FKBP15: variants seen among roughly 807,000 people sequenced by gnomAD.
The protein encoded by FKBP15 is FKBP prolyl isomerase family member 15.
FKBP15 carries 106 observed loss-of-function variants against 158.1 expected under a neutral mutation model. That is an observed-to-expected ratio of 0.67 (90% CI 0.57 to 0.79). The LOEUF is 0.79. Among genes scored for constraint, FKBP15 ranks in the 30% least tolerant of loss-of-function variants. The pLI, the probability that FKBP15 is intolerant of heterozygous loss-of-function variation, is 0.00. For synonymous variants in FKBP15, 547 were observed against 548.6 expected, an observed-to-expected ratio of 1.00 and a Z score of 0.04; for missense variants, 1,287 against 1,479.1, an observed-to-expected ratio of 0.87 and a Z score of 2.13.
intron 2 of FKBP15, among the ~76,000 whole-genome samples, chr9:113,209,097 A>G (rs1830952795): frequency 6.6e-6 from 1 of 151,924 alleles, no homozygotes; most frequent in African/African-American, 2.4e-5. Flanking sequence ...AGAAAACTGT[A>G]TAGGCAATCT....
chr9:113,172,362 C>G (rs901885069), intron 23 of FKBP15, among the ~76,000 whole-genome samples: 6 of 152,098 alleles, frequency 3.9e-5, no homozygotes, highest in African/African-American at 7.3e-5. Flanking sequence ...AGGTATATAA[C>G]CAGTAATGGG....
chr9:113,164,643 G>T lies in FKBP15; in HGVS notation c.*1435C>A, dbSNP rs1199477656. On this transcript the variant is annotated 3_prime_UTR_variant, in exon 28 of 28. Transcript: ENST00000238256. ...GAAGCCTGTTTCTAAAAGCATCACC[G>T]CCCCTTCCCCCAACCAGTGACAGTC... The T allele has an allele frequency of 6.6e-6, 1 of 152,268 alleles. No individual in the cohort carries two copies. The highest frequency in any genetic ancestry group is 1.9e-4 in the East Asian group (1 of 5,186). The allele number at this position is 152,268 out of a possible 1,614,324, so 9.4% of individuals were successfully genotyped here.
chr9:113,187,930 T>C (rs756118069), intron 13 of FKBP15, 31 bp from the exon 14 acceptor site: 2 of 1,535,924 alleles, frequency 1.3e-6, no homozygotes, highest in Admixed American at 3.4e-5. Flanking sequence ...TTCACTGTTA[T>C]CCACCCTTGC....
chr9:113,192,014 A>T (rs1232527387), intron 11 of FKBP15, among the ~76,000 whole-genome samples: 1 of 147,994 alleles, frequency 6.8e-6, no homozygotes, highest in Non-Finnish European at 1.5e-5. Flanking sequence ...TTTTGCCTCC[A>T]TTAAAAAAAA....
At chr9:113,181,894 C>T (rs1830404377) in intron 19 of FKBP15, among the ~76,000 whole-genome samples, 1 of 152,094 alleles carries the variant, frequency 6.6e-6, no homozygotes, top group African/African-American at 2.4e-5. Context: ...TTGACCTAGG[C>T]ATTAGGAGTC....
intron 18 of FKBP15, among the ~76,000 whole-genome samples, chr9:113,183,483 C>A (rs542034284): frequency 3.9e-4 from 59 of 152,154 alleles, no homozygotes; most frequent in Admixed American, 2.3e-3. Context: ...GAAACTAGGG[C>A]CAGCAGGAAT....
chr9:113,174,322 G>T, intron 22 of FKBP15, 106 bp downstream of exon 22: 3 of 1,219,342 alleles, frequency 2.5e-6, no homozygotes, highest in Non-Finnish European at 3.4e-6. Flanking sequence ...GAGAGTATCA[G>T]CTATGAGAAA....
In FKBP15 at chr9:113,170,618, G is replaced by A. The variant is rs1041119850; in HGVS notation, c.2670C>T (p.Ile890=). ...ASDPSEKVKK[I]MNQVFQSLRR... is the part of the protein sequence containing the mutation. ...GTAAGGACTGGAACACCTGGTTCAT[G>A]ATCTTCTTGACCTGTGTGAACATCA... Residue 890 remains isoleucine (I), a synonymous_variant, in exon 25 of 28, where the codon ATC becomes ATT. Coordinates refer to ENST00000238256, the MANE Select transcript of FKBP15 (RefSeq NM_015258.2). The A allele has an allele frequency of 1.9e-6, 3 of 1,612,512 alleles. No homozygotes were observed. The highest frequency in any genetic ancestry group is 2.5e-6 in the Non-Finnish European group (3 of 1,178,546).
chr9:113,168,987 A>G (rs1047547470), intron 26 of FKBP15, among the ~76,000 whole-genome samples: 49 of 50,120 alleles, frequency 9.8e-4, no homozygotes, highest in Middle Eastern at 0.011. Flanking sequence ...CCACACTACC[A>G]CAGTGCCCGC....
chr9:113,174,548 C>T lies in FKBP15; in HGVS notation c.2259G>A (p.Glu753=), dbSNP rs1830269766. ...CTATCTCCTCCTCGGCCTGAGAACG[C>T]TCTTGAGCTGACTTCTTTTTCCTTT... The part of the protein sequence containing the change: ...LSERKKKSAQ[E]RSQAEEEIDE... The change falls in exon 22 of 28, where the codon GAG becomes GAA. Residue 753 remains glutamate, a synonymous_variant. Transcript: ENST00000238256. 1 of 1,613,988 alleles carries T rather than the reference C, an allele frequency of 6.2e-7. No individual in the cohort carries two copies. Among genetic ancestry groups the T allele is most frequent in the East Asian group, 2.2e-5 (1 of 44,884 alleles).
At chr9:113,186,806 G>A (rs1830493302) in intron 14 of FKBP15, 2 of 158,566 alleles carry the variant, frequency 1.3e-5, no homozygotes, top group South Asian at 1.8e-4. Context: ...GCTAATCCAC[G>A]AGACCAAGAG....
intron 21 of FKBP15, 136 bp from the exon 22 acceptor site, chr9:113,174,719 C>A: frequency 3.2e-6 from 3 of 950,506 alleles, no homozygotes; most frequent in South Asian, 1.9e-5. Flanking sequence ...GAATTTTCCC[C>A]TAAATATTTA....
At chr9:113,188,290 C>T (rs1587960823) in intron 13 of FKBP15, 99 bp downstream of exon 13, 15 of 918,076 alleles carry the variant, frequency 1.6e-5, no homozygotes, top group Non-Finnish European at 2.2e-5. Context: ...CTTTAGTCCT[C>T]AGTACTGAAA....
At chr9:113,216,904 CTT>C (rs71491083) in intron 1 of FKBP15, among the ~76,000 whole-genome samples, 40,256 of 131,194 alleles carry the variant, frequency 0.31, 5,186 homozygotes, top group African/African-American at 0.36. Context: ...ATTCCATTTT[CTT>C]TTTTTTTTTT....
At chr9:113,200,996 A>G (rs1054091979) in intron 6 of FKBP15, among the ~76,000 whole-genome samples, 6 of 150,082 alleles carry the variant, frequency 4.0e-5, no homozygotes, top group African/African-American at 1.5e-4. Flanking sequence ...GTGAGCCGAG[A>G]TGGCACCACT....
intron 6 of FKBP15, among the ~76,000 whole-genome samples, chr9:113,200,758 T>C (rs1830773897): frequency 6.6e-6 from 1 of 151,950 alleles, no homozygotes; most frequent in African/African-American, 2.4e-5. Flanking sequence ...TTTAAAAAGT[T>C]TCAGAGGCTG....
intron 1 of FKBP15, among the ~76,000 whole-genome samples, chr9:113,220,567 G>A (rs1831229943): frequency 6.6e-6 from 1 of 152,204 alleles, no homozygotes; most frequent in Admixed American, 6.5e-5. Flanking sequence ...CACTTCCTGA[G>A]CACTCACTAT....
intron 12 of FKBP15, among the ~76,000 whole-genome samples, chr9:113,189,554 T>A (rs1046529903): frequency 1.3e-5 from 2 of 151,996 alleles, no homozygotes; most frequent in Non-Finnish European, 2.9e-5. Context: ...CAGAAAAAAA[T>A]AATCCTATAA....
At chr9:113,214,135 C>T (rs569498759) in intron 1 of FKBP15, among the ~76,000 whole-genome samples, 27 of 152,262 alleles carry the variant, frequency 1.8e-4, no homozygotes, top group Admixed American at 4.6e-4. Context: ...GCTGGGACTA[C>T]AGGCATGCAC....
Sources: allele counts gnomAD v4.1 joint callset (sites outside exome capture counted in the v4.1 genomes callset), GRCh38; gene constraint gnomAD v4.1.1; transcripts MANE v1.5; gene names NCBI Gene and HGNC (gene_info 2026-07-23, HGNC 2026-07-21).